Variants in PLCH1 observed in about 807,000 individuals in gnomAD.
PLCH1 encodes the protein phospholipase C eta 1, also known as 1-phosphatidylinositol 4,5-bisphosphate phosphodiesterase eta-1.
A neutral mutation model predicts 126.7 loss-of-function variants in PLCH1; 60 were observed. The observed-to-expected ratio is 0.47, with a 90% CI of 0.38 to 0.59. The LOEUF (loss-of-function observed/expected upper bound fraction) is 0.59, where lower values mean the gene tolerates loss of function less well. PLCH1 is among the 20% of genes least tolerant of loss of function. The probability of loss-of-function intolerance (pLI) is 0.00; values close to 1 mark genes in which losing one functional copy is unlikely to be tolerated. For synonymous variants in PLCH1, 719 were observed against 734.9 expected (o/e 0.98, Z 0.35); for missense variants, 1,723 against 2,040.0 (o/e 0.84, Z 2.99).
At position 155,635,849 on chromosome 3, in the gene PLCH1, G is replaced by A. The variant is rs76101397; in HGVS notation, c.80-39471C>T. ...GCAAATTACTGTTTAGATACTTTTG[G>A]CTGCAAATAAGAGAACGACAAATTG... On this transcript the variant is annotated intron_variant, in intron 2 of 22. Coordinates refer to ENST00000460012, the MANE Select transcript of PLCH1 (RefSeq NM_014996.4). 4.8e-3 allele frequency among the ~76,000 whole-genome samples: 729 copies of A among 152,218 alleles called. 20 individuals carry two copies. The highest frequency in any genetic ancestry group is 0.033 in the East Asian group (170 of 5,180).
At chr3:155,676,642 C>G (rs955623257) in intron 2 of PLCH1, among the ~76,000 whole-genome samples, 12 of 152,180 alleles carry the variant, frequency 7.9e-5, no homozygotes, top group African/African-American at 2.9e-4. Context: ...TAAGCTACGA[C>G]TGCCCTATAG....
chr3:155,468,137 A>G (rs1712999321), intron 21 of PLCH1, among the ~76,000 whole-genome samples: 1 of 152,258 alleles, frequency 6.6e-6, no homozygotes, highest in Admixed American at 6.5e-5. Context: ...AGTTTTCATT[A>G]GTTTTCCTTT....
At chr3:155,622,016 A>G (rs35184447) in intron 2 of PLCH1, among the ~76,000 whole-genome samples, 73,882 of 152,034 alleles carry the variant, frequency 0.49, 20,344 homozygotes, top group African/African-American at 0.74. Context: ...CAGAGAGAAA[A>G]GTCAGGTTAC....
chr3:155,478,423 A>G (rs1220025164), downstream of PLCH1, among the ~76,000 whole-genome samples: 1 of 152,188 alleles, frequency 6.6e-6, no homozygotes, highest in Non-Finnish European at 1.5e-5. Context: ...TCAATGGGTA[A>G]GTCAAAGGAT....
intron 21 of PLCH1, 107 bp from the exon 22 acceptor site, chr3:155,485,817 C>T: frequency 3.0e-6 from 2 of 675,780 alleles, no homozygotes; most frequent in Non-Finnish European, 2.5e-6. Flanking sequence ...CAAAATCGTA[C>T]AGCCATTGAA....
chr3:155,474,919 G>A (rs1159981789), downstream of PLCH1, among the ~76,000 whole-genome samples: 1 of 117,886 alleles, frequency 8.5e-6, no homozygotes, highest in Non-Finnish European at 1.7e-5. Flanking sequence ...ACACTCTGGG[G>A]ACTGTGGTGG....
intron 1 of PLCH1, among the ~76,000 whole-genome samples, chr3:155,727,715 T>C (rs1748448660): frequency 6.6e-6 from 1 of 152,046 alleles, no homozygotes; most frequent in African/African-American, 2.4e-5. Flanking sequence ...AAACCAAATC[T>C]GCATCTTGAG....
chr3:155,462,172 G>T (rs979098041), intron 21 of PLCH1, among the ~76,000 whole-genome samples: 1 of 152,178 alleles, frequency 6.6e-6, no homozygotes, highest in Non-Finnish European at 1.5e-5. Context: ...AACAAACCCT[G>T]ATTGCTATGA....
At chr3:155,467,252 A>T (rs1428366593) in intron 21 of PLCH1, among the ~76,000 whole-genome samples, 1 of 151,708 alleles carries the variant, frequency 6.6e-6, no homozygotes, top group African/African-American at 2.4e-5. Flanking sequence ...AAGTCTTCTG[A>T]CCAAAAAAAA....
At chr3:155,742,943 C>T (rs1394158824) in intron 1 of PLCH1, 1 of 207,128 alleles carries the variant, frequency 4.8e-6, no homozygotes, top group African/African-American at 2.4e-5. Context: ...CGAGACAGTA[C>T]TCACGTATTA....
Position 155,481,337 on chromosome 3 carries a change from G to A in PLCH1, c.4689C>T (p.Pro1563=). 2 of 1,614,224 alleles carry A rather than the reference G, an allele frequency of 1.2e-6. No individual in the cohort carries two copies. Among genetic ancestry groups the A allele is most frequent in the Non-Finnish European group, 1.7e-6 (2 of 1,180,036 alleles). ...ATGACAACTTCCTGACCAGTGCCCG[G>A]GGGAGCTGATTGGCATCCTGCTTTG... is the stretch of plus-strand genomic sequence containing the variant. ...LYSKQDANQL[P]RALVRKLSSR... is the part of the protein sequence containing the mutation. Residue 1563 remains proline, a synonymous_variant, in exon 23 of 23, where the codon CCC becomes CCT. Transcript: ENST00000460012. The surrounding 1 kb of genome is among the most constrained non-coding windows in gnomAD (Gnocchi z 4.2).
At chr3:155,579,169 T>G (rs1424821937) in intron 6 of PLCH1, among the ~76,000 whole-genome samples, 1 of 152,220 alleles carries the variant, frequency 6.6e-6, no homozygotes, top group Non-Finnish European at 1.5e-5. Flanking sequence ...TAAATTTGTA[T>G]GTTTTTCTCT....
chr3:155,677,847 T>C (rs1744211334), intron 2 of PLCH1, among the ~76,000 whole-genome samples: 1 of 152,198 alleles, frequency 6.6e-6, no homozygotes, highest in South Asian at 2.1e-4. Flanking sequence ...ATCTGAGAAA[T>C]ACCCATTCCT....
intron 4 of PLCH1, among the ~76,000 whole-genome samples, chr3:155,588,379 C>T (rs1049795276): frequency 3.9e-5 from 6 of 151,974 alleles, no homozygotes; most frequent in African/African-American, 1.5e-4. Context: ...CTAATAAGTG[C>T]CTGAGTCTCA....
chr3:155,741,684 C>CTTTTAT, intron 1 of PLCH1, among the ~76,000 whole-genome samples: 7 of 102,862 alleles, frequency 6.8e-5, no homozygotes, highest in South Asian at 3.2e-4. Context: ...TTTATATCCT[C>CTTTTAT]TTTTTTTTTT....
At chr3:155,660,572 T>C (rs1742016657) in intron 2 of PLCH1, among the ~76,000 whole-genome samples, 2 of 152,192 alleles carry the variant, frequency 1.3e-5, no homozygotes, top group Admixed American at 1.3e-4. Context: ...CATCCTAATA[T>C]CCTAATTTTA....
chr3:155,666,436 A>G (rs1013892750), intron 2 of PLCH1, among the ~76,000 whole-genome samples: 2 of 152,210 alleles, frequency 1.3e-5, no homozygotes, highest in South Asian at 2.1e-4. Context: ...TCTCTGGTCT[A>G]TGGATGATCC....
Position 155,488,721 on chromosome 3 carries a change from G to A in PLCH1, c.2478C>T (p.His826=), listed in dbSNP as rs1032307178. ...IALVRFLVWD[H]DPIGRDFVGQ... ...CAACAAAGTCTCGTCCAATGGGATCGTGATCCCACACAAGGAACCGAACCA... is the reference window on the plus strand; with the variant it reads ...CAACAAAGTCTCGTCCAATGGGATCATGATCCCACACAAGGAACCGAACCA... The change falls in exon 20 of 23, where the codon CAC becomes CAT. Residue 826 remains histidine, a synonymous_variant. Coordinates refer to ENST00000460012, the MANE Select transcript of PLCH1 (RefSeq NM_014996.4). The A allele has an allele frequency of 3.1e-6, 5 of 1,612,574 alleles. No individual in the cohort carries two copies. The highest frequency in any genetic ancestry group is 2.7e-5 in the African/African-American group (2 of 74,884).
chr3:155,612,602 T>G (rs1397925624), intron 2 of PLCH1, among the ~76,000 whole-genome samples: 1 of 151,576 alleles, frequency 6.6e-6, no homozygotes, highest in Non-Finnish European at 1.5e-5. Flanking sequence ...TAGACCATTA[T>G]CAAGATTAAC....
Sources: gnomAD v4.1 joint callset for allele counts (sites outside exome capture counted in the v4.1 genomes callset) on GRCh38, gnomAD v4.1.1 for gene constraint, Gnocchi (gnomAD v3.1) non-coding constraint, MANE v1.5 for transcripts, NCBI Gene and HGNC (gene_info 2026-07-23, HGNC 2026-07-21) for gene names.